The following FSHR variants were observed in gnomAD, a reference collection of about 807,000 sequenced individuals.
FSHR encodes the protein follicle-stimulating hormone receptor.
In FSHR, 46 loss-of-function variants were observed where a neutral mutation model predicts 52.1. The observed-to-expected ratio is 0.88, with a 90% CI of 0.70 to 1.13. FSHR has a LOEUF of 1.13. FSHR is among the 50% of genes most tolerant of loss of function. The pLI is 0.00. For missense variants in FSHR, 964 were observed against 834.6 expected (o/e 1.16, Z -1.91); for synonymous variants, 399 against 309.6 (o/e 1.29, Z -3.03).
At chr2:49,063,473 G>A (rs1306930710) in intron 2 of FSHR, among the ~76,000 whole-genome samples, 3 of 151,934 alleles carry the variant, frequency 2.0e-5, no homozygotes, top group African/African-American at 7.3e-5. Flanking sequence ...ACTCACAATG[G>A]AATACTATTT....
At chr2:49,058,317 G>A (rs1332663537) in intron 2 of FSHR, among the ~76,000 whole-genome samples, 2 of 152,182 alleles carry the variant, frequency 1.3e-5, no homozygotes, top group East Asian at 3.9e-4. Context: ...GGGAGGCTGA[G>A]GCAGGTGGAT....
At chr2:49,123,855 T>G (rs1671904997) in intron 1 of FSHR, among the ~76,000 whole-genome samples, 1 of 152,272 alleles carries the variant, frequency 6.6e-6, no homozygotes, top group South Asian at 2.1e-4. Context: ...GGGTTCTCTT[T>G]GCGTCTTCAC....
intron 1 of FSHR, among the ~76,000 whole-genome samples, chr2:49,088,560 G>C (rs1245037336): frequency 2.0e-5 from 3 of 152,188 alleles, no homozygotes; most frequent in Non-Finnish European, 4.4e-5. Flanking sequence ...ATGATTCACT[G>C]TAGTTTCAGG....
intron 1 of FSHR, among the ~76,000 whole-genome samples, chr2:49,095,432 A>C (rs1264710518): frequency 6.6e-6 from 1 of 152,190 alleles, no homozygotes; most frequent in Non-Finnish European, 1.5e-5. Flanking sequence ...CATTCAGAAG[A>C]AGGAAATTGA....
At chr2:49,014,426 G>A (rs1667407078) in intron 4 of FSHR, among the ~76,000 whole-genome samples, 1 of 152,060 alleles carries the variant, frequency 6.6e-6, no homozygotes. Context: ...GTGGCAGGTG[G>A]CACAGATTTC....
At chr2:49,143,506 C>A (rs185872265) in intron 1 of FSHR, among the ~76,000 whole-genome samples, 67 of 152,076 alleles carry the variant, frequency 4.4e-4, no homozygotes, top group African/African-American at 1.5e-3. Flanking sequence ...GGAGACAGAG[C>A]CAGATTGAGT....
chr2:49,128,569 A>AAT (rs1202737976), intron 1 of FSHR, among the ~76,000 whole-genome samples: 1 of 152,180 alleles, frequency 6.6e-6, no homozygotes, highest in Non-Finnish European at 1.5e-5. Context: ...AGGGATGATC[A>AAT]GCCTGCTGCT....
rs927328059 is a variant in FSHR at position 48,980,137 on chromosome 2, T to G, written c.668+2775A>C. Among the ~76,000 whole-genome samples the G allele has an allele frequency of 2.6e-5, 4 of 152,184 alleles. No individual in the cohort carries two copies. The East Asian group carries it at 7.7e-4, about 29-fold the overall frequency. On this transcript the variant is annotated intron_variant, in intron 8 of 9. Transcript: ENST00000406846. ...AGCCCCAGAAAGGGGGGCTTGATGT[T>G]AAGGTGAACAATTCTTTTGGCCCCA...
intron 1 of FSHR, among the ~76,000 whole-genome samples, chr2:49,152,726 A>G (rs535774317): frequency 5.9e-5 from 9 of 152,170 alleles, no homozygotes; most frequent in Non-Finnish European, 1.3e-4. Flanking sequence ...GAGTAGGTCC[A>G]GGAGAGGTGG....
intron 1 of FSHR, among the ~76,000 whole-genome samples, chr2:49,090,259 T>C (rs1221912997): frequency 1.3e-5 from 2 of 152,154 alleles, no homozygotes; most frequent in African/African-American, 4.8e-5. Context: ...TCCCTTGGAC[T>C]GACATTTTGA....
At chr2:48,968,393 G>A (rs977960517) in intron 9 of FSHR, among the ~76,000 whole-genome samples, 11 of 152,190 alleles carry the variant, frequency 7.2e-5, no homozygotes, top group African/African-American at 2.4e-4. Flanking sequence ...AGGAAAGAGG[G>A]AACAGATATT....
intron 2 of FSHR, among the ~76,000 whole-genome samples, chr2:49,054,731 G>C (rs935269330): frequency 3.9e-5 from 6 of 152,138 alleles, no homozygotes; most frequent in African/African-American, 1.4e-4. Context: ...AACAACTGCA[G>C]ACTCTCTCAG....
At chr2:49,097,884 T>A (rs11898451) in intron 1 of FSHR, among the ~76,000 whole-genome samples, 41,111 of 151,992 alleles carry the variant, frequency 0.27, 6,114 homozygotes, top group African/African-American at 0.41. Context: ...TAAGAAAAAT[T>A]TGAAGTCTTT....
Position 48,990,556 on chromosome 2 carries a change from A to G in FSHR, c.446+10T>C, listed in dbSNP as rs200504733. On this transcript the variant is annotated intron_variant, in intron 5 of 9. Transcript: ENST00000406846. ...TAAAGAGTTGGTAGTCACTCAAGGA[A>G]AAAACTTACAGTAAAACTTTTTGGA... 4.0e-4 allele frequency: 630 copies of G among 1,587,566 alleles called. 10 individuals carry two copies. In the East Asian group the frequency reaches 0.014, roughly 35 times the overall value.
intron 2 of FSHR, among the ~76,000 whole-genome samples, chr2:49,038,057 G>A (rs939695861): frequency 2.6e-5 from 4 of 152,126 alleles, no homozygotes; most frequent in Non-Finnish European, 4.4e-5. Context: ...AGCAACAAGA[G>A]ATATCAAAAG....
At chr2:49,060,128 T>C (rs949391097) in intron 2 of FSHR, among the ~76,000 whole-genome samples, 5 of 151,938 alleles carry the variant, frequency 3.3e-5, no homozygotes, top group African/African-American at 1.2e-4. Context: ...ATCAGAGAAA[T>C]GCAAATCAAA....
In FSHR at chr2:49,045,456, A is replaced by C. The variant is rs1185464917; in HGVS notation, c.224+22763T>G. Among the ~76,000 whole-genome samples, 5 of 152,358 alleles carry C rather than the reference A, an allele frequency of 3.3e-5. No individual in the cohort carries two copies. In the East Asian group the frequency reaches 9.6e-4, roughly 29 times the overall value. On this transcript the variant is annotated intron_variant, in intron 2 of 9. Transcript: ENST00000406846. ...TGAAATGCTCATTGAATTTAACTAA[A>C]AGAAAAATCCTCTCTTGCAGAGATG...
At position 48,982,911 on chromosome 2, in the gene FSHR, C is replaced by A. The variant is rs1306961316; in HGVS notation, c.668+1G>T. ...ACACAGAAATGGGGAAAGCTACTCA[C>A]AGAATGACTGGTCCAGAGGCTCCGT... is the stretch of plus-strand genomic sequence containing the variant. On this transcript the variant is annotated splice_donor_variant, in intron 8 of 9. Transcript: ENST00000406846. LOFTEE classifies it high-confidence loss of function. 6.2e-7 allele frequency: 1 copy of A among 1,612,288 alleles called. No individual in the cohort carries two copies. Among genetic ancestry groups the A allele is most frequent in the Non-Finnish European group, 8.5e-7 (1 of 1,178,312 alleles).
intron 1 of FSHR, among the ~76,000 whole-genome samples, chr2:49,100,821 T>A (rs114642854): frequency 0.01 from 1,588 of 152,120 alleles, 22 homozygotes; most frequent in African/African-American, 0.037. Context: ...ATTGAGAGAG[T>A]ATTTATAGTG....
Sources: allele counts gnomAD v4.1 joint callset (sites outside exome capture counted in the v4.1 genomes callset), GRCh38; gene constraint gnomAD v4.1.1; transcripts MANE v1.5; gene names NCBI Gene and HGNC (gene_info 2026-07-23, HGNC 2026-07-21).